KDM5A: variants seen among roughly 807,000 people sequenced by gnomAD.
The protein encoded by KDM5A is lysine demethylase 5A.
In KDM5A, 42 loss-of-function variants were observed where a neutral mutation model predicts 193.5. That is an observed-to-expected ratio of 0.22 (90% CI 0.17 to 0.28). KDM5A has a LOEUF of 0.28. Among genes scored for constraint, KDM5A ranks in the 10% least tolerant of loss-of-function variants. The pLI is 1.00. For missense variants in KDM5A, 1,692 were observed against 2,055.1 expected, an observed-to-expected ratio of 0.82 and a Z score of 3.42; for synonymous variants, 796 against 718.1, an observed-to-expected ratio of 1.11 and a Z score of -1.73.
intron 3 of KDM5A, among the ~76,000 whole-genome samples, chr12:380,065 C>T (rs929522311): frequency 2.0e-5 from 3 of 151,858 alleles, no homozygotes; most frequent in African/African-American, 2.4e-5. Context: ...ATCAGGAGTT[C>T]GTGACTAGCT....
chr12:346,909 T>C (rs1430201450), intron 10 of KDM5A, among the ~76,000 whole-genome samples: 1 of 152,190 alleles, frequency 6.6e-6, no homozygotes, highest in African/African-American at 2.4e-5. Context: ...TTGGAAGTTC[T>C]GGCCAGGGCA....
At chr12:350,902 G>C (rs970649145) in intron 9 of KDM5A, 123 bp from the exon 10 acceptor site, 7 of 852,374 alleles carry the variant, frequency 8.2e-6, no homozygotes, top group African/African-American at 5.1e-5. Flanking sequence ...TGATTCCCTA[G>C]AGCAGTAAAG....
intron 1 of KDM5A, chr12:387,226 C>CAAA (rs201508413): frequency 2.7e-5 from 8 of 295,912 alleles, no homozygotes; most frequent in Admixed American, 5.7e-5. Context: ...GTTGAGTAGT[C>CAAA]AAAAAAAAAA....
rs960077388 is a variant in KDM5A at position 292,437 on chromosome 12, T to C, written c.4866+322A>G. ...GTATTTAGTTCTCTGAGTCACCTTA[T>C]AGGGAAGGCACAAGATTATTCTGAA... On this transcript the variant is annotated intron_variant, in intron 27 of 27. Transcript: ENST00000399788. 2.0e-5 allele frequency among the ~76,000 whole-genome samples: 3 copies of C among 152,176 alleles called. No individual in the cohort carries two copies. The East Asian group carries it at 5.8e-4, about 29-fold the overall frequency.
chr12:332,449 T>A (rs1386543140), intron 12 of KDM5A, among the ~76,000 whole-genome samples: 2 of 152,162 alleles, frequency 1.3e-5, no homozygotes, highest in Non-Finnish European at 2.9e-5. Context: ...TGGTATAAAT[T>A]TATTATTTAA....
chr12:376,356 C>T (rs1313413443), intron 3 of KDM5A, among the ~76,000 whole-genome samples: 1 of 152,166 alleles, frequency 6.6e-6, no homozygotes, highest in South Asian at 2.1e-4. Context: ...AGCGAGGCTC[C>T]GTGGGCGTGG....
At chr12:297,695 C>T (rs1371513249) in intron 24 of KDM5A, among the ~76,000 whole-genome samples, 2 of 152,152 alleles carry the variant, frequency 1.3e-5, no homozygotes, top group East Asian at 3.9e-4. Flanking sequence ...TTGAATGAAA[C>T]ATTCTGGCTT....
At chr12:355,959 C>A (rs930759270) in intron 6 of KDM5A, among the ~76,000 whole-genome samples, 2 of 152,160 alleles carry the variant, frequency 1.3e-5, no homozygotes, top group African/African-American at 4.8e-5. Flanking sequence ...AAACGTGAAG[C>A]CGAGAGTAAC....
intron 3 of KDM5A, among the ~76,000 whole-genome samples, chr12:380,967 T>G (rs1944565733): frequency 6.7e-6 from 1 of 149,974 alleles, no homozygotes; most frequent in South Asian, 2.1e-4. Context: ...GCTAATTTTT[T>G]GCATAATTAG....
At position 309,714 on chromosome 12, in the gene KDM5A, G is replaced by A. The variant is rs1001304652; in HGVS notation, c.3378+89C>T. 4 of 1,390,740 alleles carry A rather than the reference G, an allele frequency of 2.9e-6. No individual in the cohort carries two copies. In the African/African-American group the frequency reaches 4.3e-5, roughly 15 times the overall value. 86.1% of individuals were successfully genotyped at this position (1,390,740 alleles called of 1,614,324 possible). ...AAGCCAAAGTATATGAAAATAAAAA[G>A]TTAAAAACATAAAAACTGTGAGTCT... On this transcript the variant is annotated intron_variant, in intron 22 of 27. Coordinates refer to ENST00000399788, the MANE Select transcript of KDM5A (RefSeq NM_001042603.3).
Position 295,615 on chromosome 12 carries a change from G to A in KDM5A, c.4413C>T (p.Ala1471=), listed in dbSNP as rs1943360381. 6.2e-7 allele frequency: 1 copy of A among 1,614,102 alleles called. No homozygotes were observed. The highest frequency in any genetic ancestry group is 8.5e-7 in the Non-Finnish European group (1 of 1,179,980). Residue 1471 remains alanine (A), a synonymous_variant, in exon 26 of 28, where the codon GCC becomes GCT. Coordinates refer to ENST00000399788, the MANE Select transcript of KDM5A (RefSeq NM_001042603.3). The stretch of plus-strand genomic sequence containing the variant: ...ATCTGTCTTCAGAGGGTGGGTGTGT[G>A]GCCTGCAAAATCCGCCATATGTGTT... ...ETQHIWRILQ[A]THPPSEDRFL...
intron 14 of KDM5A, among the ~76,000 whole-genome samples, chr12:326,501 A>G (rs566090535): frequency 6.6e-6 from 1 of 152,358 alleles, no homozygotes; most frequent in Non-Finnish European, 1.5e-5. Context: ...AATGTTAGGT[A>G]AAGAAACAAC....
intron 1 of KDM5A, among the ~76,000 whole-genome samples, chr12:387,675 C>T (rs77209543): frequency 0.029 from 4,417 of 152,188 alleles, 81 homozygotes; most frequent in South Asian, 0.042. Context: ...TTGCCACTTG[C>T]CCAAGATCAC....
chr12:363,880 A>G (rs1303663007), intron 4 of KDM5A, among the ~76,000 whole-genome samples: 1 of 152,248 alleles, frequency 6.6e-6, no homozygotes, highest in Non-Finnish European at 1.5e-5. Flanking sequence ...CACAAACTGT[A>G]TAACAAATTC....
intron 4 of KDM5A, 85 bp downstream of exon 4, chr12:365,849 C>T (rs1944350192): frequency 7.1e-7 from 1 of 1,413,312 alleles, no homozygotes; most frequent in Admixed American, 1.7e-5. Context: ...TTGGTGCCTG[C>T]TAACTTGGGT....
chr12:330,933 G>GTA (rs1045080344), intron 13 of KDM5A, among the ~76,000 whole-genome samples: 12 of 152,068 alleles, frequency 7.9e-5, no homozygotes, highest in Admixed American at 1.3e-4. Flanking sequence ...TAAATATACT[G>GTA]TATAGTCTTC....
intron 9 of KDM5A, 55 bp from the exon 10 acceptor site, chr12:350,834 T>C (rs999025538): frequency 2.1e-6 from 3 of 1,442,754 alleles, no homozygotes; most frequent in South Asian, 2.3e-5. Context: ...CTATAACCCA[T>C]ATAACATAAT....
intron 18 of KDM5A, 33 bp downstream of exon 18, chr12:320,962 G>A (rs1213735115): frequency 5.0e-6 from 7 of 1,393,328 alleles, no homozygotes; most frequent in Admixed American, 5.0e-5. Context: ...TGTCACAAAG[G>A]ACATTACCCA....
At chr12:351,643 T>A (rs1944161284) in intron 9 of KDM5A, among the ~76,000 whole-genome samples, 1 of 152,126 alleles carries the variant, frequency 6.6e-6, no homozygotes, top group Non-Finnish European at 1.5e-5. Flanking sequence ...TGTAAAGGAT[T>A]ACTCATACAG....
Sources: allele counts gnomAD v4.1 joint callset (sites outside exome capture counted in the v4.1 genomes callset), GRCh38; gene constraint gnomAD v4.1.1; transcripts MANE v1.5; gene names NCBI Gene and HGNC (gene_info 2026-07-23, HGNC 2026-07-21).